SOS2: variants seen among roughly 807,000 people sequenced by gnomAD.
The protein encoded by SOS2 is son of sevenless homolog 2.
SOS2 carries 65 observed loss-of-function variants against 148.2 expected under a neutral mutation model. That is an observed-to-expected ratio of 0.44 (90% CI 0.36 to 0.54). The LOEUF (loss-of-function observed/expected upper bound fraction) is 0.54, where lower values mean the gene tolerates loss of function less well. SOS2 is among the 20% of genes least tolerant of loss of function. SOS2 has a pLI of 0.00. For missense variants in SOS2, 1,341 were observed against 1,590.2 expected (o/e 0.84, Z 2.67); for synonymous variants, 539 against 537.1 (o/e 1.00, Z -0.05).
At chr14:50,157,937 T>G (rs1197252935) in intron 11 of SOS2, among the ~76,000 whole-genome samples, 1 of 152,130 alleles carries the variant, frequency 6.6e-6, no homozygotes, top group Non-Finnish European at 1.5e-5. Flanking sequence ...TTGCTGATTT[T>G]TTAGGTTTAA....
At chr14:50,210,309 G>A (rs751839326) in intron 1 of SOS2, among the ~76,000 whole-genome samples, 4 of 152,132 alleles carry the variant, frequency 2.6e-5, no homozygotes, top group Non-Finnish European at 5.9e-5. Flanking sequence ...TTGCAGGGAG[G>A]CAGGGAAGTG....
chr14:50,137,080 T>C lies in SOS2; in HGVS notation c.2958+1532A>G, dbSNP rs573803078. Among the ~76,000 whole-genome samples, 727 of 152,354 alleles carry C rather than the reference T, an allele frequency of 4.8e-3. 5 individuals are homozygous for C. The highest frequency in any genetic ancestry group is 8.0e-3 in the Non-Finnish European group (545 of 68,030). On this transcript the variant is annotated intron_variant, in intron 18 of 22. Coordinates refer to ENST00000216373, the MANE Select transcript of SOS2 (RefSeq NM_006939.4). ...AAAAAGTTTAGCGCAGTTTTTAATA[T>C]GACACGTAAACTTATTCTGGTTGAT...
At chr14:50,178,662 GTGTGTGTGCATA>G (rs1224712206) in intron 7 of SOS2, among the ~76,000 whole-genome samples, 1 of 16,714 alleles carries the variant, frequency 6.0e-5, no homozygotes, top group African/African-American at 2.0e-4. Context: ...GTGTGTGTGT[GTGTGTGTGCATA>G]TATATATATA....
At position 50,153,189 on chromosome 14, in the gene SOS2, G is replaced by A. The variant is rs577436233; in HGVS notation, c.2058-16C>T. 55 of 1,443,170 alleles carry A rather than the reference G, an allele frequency of 3.8e-5. 1 individual carries two copies. In the South Asian group the frequency reaches 6.2e-4, roughly 16 times the overall value. The allele number at this position is 1,443,170 out of a possible 1,614,324, so 89.4% of individuals were successfully genotyped here. ...ATTTAAGATCCTGATAAAATGGAAA[G>A]AAACACATTTTAGTGAAACATAAGT... On this transcript the variant is annotated splice_polypyrimidine_tract_variant and intron_variant, in intron 12 of 22. Coordinates refer to ENST00000216373, the MANE Select transcript of SOS2 (RefSeq NM_006939.4).
chr14:50,211,086 A>G (rs1327842798), intron 1 of SOS2, among the ~76,000 whole-genome samples: 2 of 152,140 alleles, frequency 1.3e-5, no homozygotes, highest in Non-Finnish European at 2.9e-5. Flanking sequence ...AGAGCTATAC[A>G]GTCCAATATA....
intron 1 of SOS2, among the ~76,000 whole-genome samples, chr14:50,217,429 T>C (rs1220181973): frequency 6.6e-6 from 1 of 152,202 alleles, no homozygotes; most frequent in African/African-American, 2.4e-5. Context: ...CTAGGTATGG[T>C]GGATCACACC....
chr14:50,219,029 C>G (rs10136730), intron 1 of SOS2, among the ~76,000 whole-genome samples: 22,720 of 151,780 alleles, frequency 0.15, 2,323 homozygotes, highest in Admixed American at 0.32. Flanking sequence ...AGGAGAATCA[C>G]TTGAACCCGG....
At chr14:50,176,634 G>A (rs2038060971) in intron 7 of SOS2, among the ~76,000 whole-genome samples, 1 of 152,198 alleles carries the variant, frequency 6.6e-6, no homozygotes, top group African/African-American at 2.4e-5. Flanking sequence ...ATAACTATAA[G>A]AGGTATATAT....
chr14:50,174,657 T>C lies in SOS2; in HGVS notation c.970-105A>G, dbSNP rs372515430. ...ACTAAAAATTTGAGATACAGACTTA[T>C]CAAAACTACAACAGAATGCATATTC... is the stretch of plus-strand genomic sequence containing the variant. On this transcript the variant is annotated intron_variant, in intron 7 of 22. Coordinates refer to ENST00000216373, the MANE Select transcript of SOS2 (RefSeq NM_006939.4). 56 of 511,562 alleles carry C rather than the reference T, an allele frequency of 1.1e-4. No homozygotes were observed. In the Middle Eastern group the frequency reaches 2.6e-3, roughly 23 times the overall value. 31.7% of individuals were successfully genotyped at this position (511,562 alleles called of 1,614,324 possible). A position where few individuals can be genotyped will look rare whatever the true frequency, so the allele number is the denominator to read the frequency against.
intron 14 of SOS2, among the ~76,000 whole-genome samples, chr14:50,146,317 T>G (rs1351530609): frequency 6.6e-6 from 1 of 151,892 alleles, no homozygotes; most frequent in Non-Finnish European, 1.5e-5. Flanking sequence ...ATTTGACTCT[T>G]AAGTATGCAT....
At chr14:50,201,600 CA>C (rs1009260208) in intron 2 of SOS2, among the ~76,000 whole-genome samples, 4 of 138,576 alleles carry the variant, frequency 2.9e-5, no homozygotes, top group African/African-American at 1.1e-4. Flanking sequence ...ATGGATAAAA[CA>C]AAAAGGTAAA....
chr14:50,119,108 T>C (rs1028665443), intron 22 of SOS2, among the ~76,000 whole-genome samples: 1 of 152,216 alleles, frequency 6.6e-6, no homozygotes, highest in African/African-American at 2.4e-5. Context: ...CAGAAATTTA[T>C]GTATTTTAAT....
chr14:50,141,635 TA>T (rs1486392332), intron 16 of SOS2, among the ~76,000 whole-genome samples: 9 of 152,194 alleles, frequency 5.9e-5, no homozygotes, highest in Admixed American at 1.3e-4. Flanking sequence ...AATAAAGAGA[TA>T]AACGATGTTC....
At chr14:50,145,082 A>T in intron 16 of SOS2, 88 bp downstream of exon 16, 1 of 644,938 alleles carries the variant, frequency 1.6e-6, no homozygotes, top group Non-Finnish European at 2.4e-6. Context: ...CAAAGAATTT[A>T]ATTAAAAAGA....
intron 14 of SOS2, among the ~76,000 whole-genome samples, chr14:50,147,838 T>C (rs1057235825): frequency 6.6e-6 from 1 of 152,014 alleles, no homozygotes; most frequent in African/African-American, 2.4e-5. Flanking sequence ...AATTTAAAAA[T>C]TGGCCAAGTA....
rs541620440 is a variant in SOS2 at position 50,211,471 on chromosome 14, G to A, written c.88-7062C>T. The stretch of plus-strand genomic sequence containing the variant: ...AGTACTACCTCCTCTATTAGTCCCC[G>A]GTGTCTGTTGTTAACATCTTTATGT... On this transcript the variant is annotated intron_variant, in intron 1 of 22. Coordinates refer to ENST00000216373, the MANE Select transcript of SOS2 (RefSeq NM_006939.4). Among the ~76,000 whole-genome samples the A allele has an allele frequency of 3.3e-5, 5 of 151,926 alleles. No homozygotes were observed. The South Asian group carries it at 6.2e-4, about 19-fold the overall frequency.
intron 4 of SOS2, among the ~76,000 whole-genome samples, chr14:50,194,517 T>C (rs914516710): frequency 6.9e-6 from 1 of 144,862 alleles, no homozygotes; most frequent in African/African-American, 2.5e-5. Flanking sequence ...GGCTTACACC[T>C]GTAATCCCAG....
intron 10 of SOS2, 152 bp downstream of exon 10, chr14:50,159,279 T>C (rs1471441147): frequency 1.9e-6 from 1 of 539,312 alleles, no homozygotes; most frequent in African/African-American, 1.9e-5. Flanking sequence ...AGACCTTTAA[T>C]TCCTTCTCTT....
Position 50,117,716 on chromosome 14 carries a change from T to C in SOS2, c.*628A>G, listed in dbSNP as rs1203516209. The stretch of plus-strand genomic sequence containing the variant: ...ATACATGCCCTTTTTCCCTCCATCA[T>C]TGGGTTATGTAGTCTTTGTTTACAT... On this transcript the variant is annotated 3_prime_UTR_variant, in exon 23 of 23. Coordinates refer to ENST00000216373, the MANE Select transcript of SOS2 (RefSeq NM_006939.4). 2.0e-5 allele frequency: 3 copies of C among 152,238 alleles called. No individual in the cohort carries two copies. The highest frequency in any genetic ancestry group is 1.9e-4 in the East Asian group (1 of 5,206). 9.4% of individuals were successfully genotyped at this position (152,238 alleles called of 1,614,324 possible).
Sources: allele counts gnomAD v4.1 joint callset (sites outside exome capture counted in the v4.1 genomes callset), GRCh38; gene constraint gnomAD v4.1.1; transcripts MANE v1.5; gene names NCBI Gene and HGNC (gene_info 2026-07-23, HGNC 2026-07-21).